ZNF530: variants seen among roughly 807,000 people sequenced by gnomAD.
ZNF530 encodes zinc finger protein 530.
ZNF530 carries 5 observed loss-of-function variants against 2.8 expected under a neutral mutation model. The ratio of observed to expected loss-of-function variants is 1.80; its 90% confidence interval spans 0.94 to 3.78. The LOEUF (loss-of-function observed/expected upper bound fraction) is 3.78, where lower values mean the gene tolerates loss of function less well. ZNF530 is among the 30% of genes most tolerant of loss of function. The pLI is 0.00. For missense variants in ZNF530, 619 were observed against 673.3 expected (o/e 0.92, Z 0.89); for synonymous variants, 229 against 235.0 (o/e 0.97, Z 0.23).
Position 57,608,577 on chromosome 19 carries a change from G to A in ZNF530, c.*1252G>A, listed in dbSNP as rs985235502. The A allele has an allele frequency of 1.3e-5, 2 of 152,108 alleles. No individual in the cohort carries two copies. The allele number at this position is 152,108 out of a possible 1,614,324, so 9.4% of individuals were successfully genotyped here. A position where few individuals can be genotyped will look rare whatever the true frequency, so the allele number is the denominator to read the frequency against. ...CTGGAGACAACACAAAGTTTTTCTT[G>A]TTGAGTGAGGATATCACATAATGCC... is the stretch of plus-strand genomic sequence containing the variant. On this transcript the variant is annotated 3_prime_UTR_variant, in exon 4 of 4. Coordinates refer to ENST00000597700, the MANE Select transcript of ZNF530 (RefSeq NM_001321981.2).
downstream of ZNF530, among the ~76,000 whole-genome samples, chr19:57,611,129 G>A (rs903911175): frequency 2.0e-5 from 3 of 152,074 alleles, no homozygotes; most frequent in Admixed American, 6.5e-5. Flanking sequence ...TCATCCCAGC[G>A]TTACTGCCAG....
At chr19:57,602,126 G>C (rs1002320593) in intron 2 of ZNF530, among the ~76,000 whole-genome samples, 2 of 152,172 alleles carry the variant, frequency 1.3e-5, no homozygotes, top group African/African-American at 4.8e-5. Flanking sequence ...CTGCAGGCTA[G>C]GAAATTCTAC....
At chr19:57,605,062 A>G (rs111373027) in intron 3 of ZNF530, 3 of 153,466 alleles carry the variant, frequency 2.0e-5, no homozygotes, top group African/African-American at 7.2e-5. Flanking sequence ...GCAAGACACT[A>G]GGGCTGTTTC....
rs373402858 is a variant in ZNF530 at position 57,606,134 on chromosome 19, A to G, written c.510A>G (p.Arg170=). ...CACACAGCAGGATTAGACACTTGAGAGTTCCCACTGGACGAAAGCCTCTCA... is the reference window on the plus strand; with the variant it reads ...CACACAGCAGGATTAGACACTTGAGGGTTCCCACTGGACGAAAGCCTCTCA... ...ERPHSRIRHL[R]VPTGRKPLKY... Residue 170 remains arginine (R), a synonymous_variant, in exon 4 of 4, where the codon AGA becomes AGG. Transcript: ENST00000597700. 1.2e-5 allele frequency: 20 copies of G among 1,614,142 alleles called. No homozygotes were observed. The African/African-American group carries it at 2.0e-4, about 16-fold the overall frequency.
Position 57,606,964 on chromosome 19 carries a change from G to A in ZNF530, c.1340G>A (p.Arg447Gln), listed in dbSNP as rs543043621. The change falls in exon 4 of 4, where the codon CGA (arginine) becomes CAA (glutamine). Residue 447 changes from arginine (R) to glutamine (Q), a missense_variant. Arg to Gln is a conservative substitution (Grantham distance 43). Coordinates refer to ENST00000597700, the MANE Select transcript of ZNF530 (RefSeq NM_001321981.2). ...TTTAGTTGCAAAACTGACCTCATTCGACACCAGACAGTTCACACTGGAGAA... is the reference window on the plus strand; with the variant it reads ...TTTAGTTGCAAAACTGACCTCATTCAACACCAGACAGTTCACACTGGAGAA... ...KSFSCKTDLI[R>Q]HQTVHTGERP... 172 of 1,612,752 alleles carry A rather than the reference G, an allele frequency of 1.1e-4. 4 individuals carry two copies. In the South Asian group the frequency reaches 1.5e-3, roughly 14 times the overall value.
chr19:57,606,061 C>G lies in ZNF530; in HGVS notation c.437C>G (p.Ala146Gly), dbSNP rs771290670. ...TFGEVGRDFS[A>G]TSGLLQHQVT... ...GGGGAAGTCGGGAGGGACTTTTCAG[C>G]CACCTCAGGACTTCTCCAGCATCAG... Residue 146 changes from alanine (A) to glycine (G), a missense_variant, in exon 4 of 4, where the codon GCC becomes GGC. Coordinates refer to ENST00000597700, the MANE Select transcript of ZNF530 (RefSeq NM_001321981.2). 6.2e-7 allele frequency: 1 copy of G among 1,614,200 alleles called. No individual in the cohort carries two copies. Among genetic ancestry groups the G allele is most frequent in the East Asian group, 2.2e-5 (1 of 44,882 alleles).
rs35296343 is a variant in ZNF530 at position 57,609,331 on chromosome 19, CA to C, written c.*2017del. On this transcript the variant is annotated 3_prime_UTR_variant, in exon 4 of 4. Transcript: ENST00000597700. Reference sequence around the variant, plus strand: ...GGGTGATGGAGTGAGACTCTGTTTCCAAAAAAAAAAAGGCTGGGCGTGGTGG... The same window carrying C: ...GGGTGATGGAGTGAGACTCTGTTTCCAAAAAAAAAAGGCTGGGCGTGGTGG... Among the ~76,000 whole-genome samples, 66 of 139,206 alleles carry C rather than the reference CA, an allele frequency of 4.7e-4. No individual in the cohort carries two copies. The highest frequency in any genetic ancestry group is 6.9e-4 in the South Asian group (3 of 4,326). The allele number at this position is 139,206 out of a possible 152,430, so 91.3% of individuals were successfully genotyped here. A position where few individuals can be genotyped will look rare whatever the true frequency, so the allele number is the denominator to read the frequency against.
rs140334781 is a variant in ZNF530 at position 57,606,439 on chromosome 19, G to T, written c.815G>T (p.Arg272Leu). Residue 272 changes from arginine (R) to leucine (L), a missense_variant, in exon 4 of 4, where the codon CGC becomes CTC. Coordinates refer to ENST00000597700, the MANE Select transcript of ZNF530 (RefSeq NM_001321981.2). ...YDCSECGKSFRQVSVLIQHQR... is the reference protein window; with the variant it reads ...YDCSECGKSFLQVSVLIQHQR... ...TGCAGTGAATGTGGCAAATCCTTTC[G>T]CCAGGTATCTGTCCTCATTCAACAT... 1.3e-5 allele frequency: 21 copies of T among 1,613,658 alleles called. No homozygotes were observed. The highest frequency in any genetic ancestry group is 5.0e-5 in the Admixed American group (3 of 59,974).
At position 57,607,548 on chromosome 19, in the gene ZNF530, T is replaced by C; in HGVS notation, c.*223T>C. The C allele has an allele frequency of 1.9e-6, 1 of 519,088 alleles. No individual in the cohort carries two copies. Among genetic ancestry groups the C allele is most frequent in the Non-Finnish European group, 3.4e-6 (1 of 295,028 alleles). 32.2% of individuals were successfully genotyped at this position (519,088 alleles called of 1,614,324 possible). On this transcript the variant is annotated 3_prime_UTR_variant, in exon 4 of 4. Coordinates refer to ENST00000597700, the MANE Select transcript of ZNF530 (RefSeq NM_001321981.2). ...TTAATAGAAACAAGGTTTCACCATG[T>C]TGGTCAGGCTGGTGTTGAACTCCTG... is the stretch of plus-strand genomic sequence containing the variant.
chr19:57,600,276 G>C, intron 1 of ZNF530, 142 bp downstream of exon 1: 1 of 1,093,602 alleles, frequency 9.1e-7, no homozygotes, highest in Non-Finnish European at 1.2e-6. Flanking sequence ...GTGTGGCAGG[G>C]AGCGGGAGAG....
intron 2 of ZNF530, among the ~76,000 whole-genome samples, chr19:57,603,587 T>TGTTACTGTTTAGTGCA (rs548146716): frequency 6.6e-6 from 1 of 152,238 alleles, no homozygotes; most frequent in Non-Finnish European, 1.5e-5. Context: ...TTACTGTTAC[T>TGTTACTGTTTAGTGCA]GTTACTGTTT....
chr19:57,602,235 G>A (rs1236634499), intron 2 of ZNF530, among the ~76,000 whole-genome samples: 3 of 152,154 alleles, frequency 2.0e-5, no homozygotes, highest in Non-Finnish European at 4.4e-5. Flanking sequence ...TCCTGGGAGG[G>A]AGTATGTAAA....
Position 57,606,375 on chromosome 19 carries a change from C to G in ZNF530, c.751C>G (p.Gln251Glu). The G allele has an allele frequency of 6.2e-7, 1 of 1,614,222 alleles. No individual in the cohort carries two copies. The change falls in exon 4 of 4, where the codon CAA becomes GAA. Residue 251 changes from glutamine to glutamate, a missense_variant. By Grantham distance (29) the Gln-to-Glu change is conservative. Transcript: ENST00000597700. ...ATTTAGTCGCAAAACTCACCTAACT[C>G]AACACCAAAGAGTTCACACTGGAGA... ...KSFSRKTHLT[Q>E]HQRVHTGERP...
rs1220907439 is a variant in ZNF530 at position 57,607,114 on chromosome 19, A to G, written c.1490A>G (p.Gln497Arg). ...GATGAATGTGGGAAATCCTATAGCCAAAGCTCTGCCCTCCTTCAGCATAGG... is the reference window on the plus strand; with the variant it reads ...GATGAATGTGGGAAATCCTATAGCCGAAGCTCTGCCCTCCTTCAGCATAGG... ...ECDECGKSYSQSSALLQHRRV... is the reference protein window; with the variant it reads ...ECDECGKSYSRSSALLQHRRV... The change falls in exon 4 of 4, where the codon CAA becomes CGA. Residue 497 changes from glutamine (Q) to arginine (R), a missense_variant. Transcript: ENST00000597700. 1 of 1,613,644 alleles carries G rather than the reference A, an allele frequency of 6.2e-7. No homozygotes were observed. The highest frequency in any genetic ancestry group is 8.5e-7 in the Non-Finnish European group (1 of 1,179,930).
downstream of ZNF530, among the ~76,000 whole-genome samples, chr19:57,611,905 G>A (rs1599941449): frequency 6.6e-6 from 1 of 152,158 alleles, no homozygotes; most frequent in East Asian, 1.9e-4. Flanking sequence ...ACCAGGGTGA[G>A]GGTATGAGGC....
In ZNF530 at chr19:57,608,979, A is replaced by G. The variant is rs1387670453; in HGVS notation, c.*1654A>G. Reference sequence around the variant, plus strand: ...AGAGGTTGCAGTGAGCTCAGATCACACCACTGCACTCCAGCCTGGGTGACA... The same window carrying G: ...AGAGGTTGCAGTGAGCTCAGATCACGCCACTGCACTCCAGCCTGGGTGACA... On this transcript the variant is annotated 3_prime_UTR_variant, in exon 4 of 4. Transcript: ENST00000597700. 1.3e-5 allele frequency: 2 copies of G among 150,754 alleles called. No homozygotes were observed. Among genetic ancestry groups the G allele is most frequent in the African/African-American group, 2.5e-5 (1 of 40,770 alleles). 9.3% of individuals were successfully genotyped at this position (150,754 alleles called of 1,614,324 possible).
intron 1 of ZNF530, 42 bp downstream of exon 1, chr19:57,600,176 C>G (rs753502281): frequency 2.6e-6 from 4 of 1,548,514 alleles, no homozygotes; most frequent in Non-Finnish European, 3.5e-6. Flanking sequence ...CCTCCCCACC[C>G]GAAACTGAGG....
At chr19:57,600,806 T>C (rs1345570394) in intron 2 of ZNF530, 27 bp downstream of exon 2, 4 of 152,298 alleles carry the variant, frequency 2.6e-5, no homozygotes, top group South Asian at 4.1e-4. Flanking sequence ...CAGAAGCTCA[T>C]TGATTCCAGC....
In ZNF530 at chr19:57,606,384, A is replaced by G; in HGVS notation, c.760A>G (p.Arg254Gly). ...CAAAACTCACCTAACTCAACACCAA[A>G]GAGTTCACACTGGAGAAAGGCCTTA... is the stretch of plus-strand genomic sequence containing the variant. ...SRKTHLTQHQRVHTGERPYDC... is the reference protein window; with the variant it reads ...SRKTHLTQHQGVHTGERPYDC... Residue 254 changes from arginine (R) to glycine (G), a missense_variant, in exon 4 of 4, where the codon AGA becomes GGA. Arg to Gly is a moderately radical substitution (Grantham distance 125). Coordinates refer to ENST00000597700, the MANE Select transcript of ZNF530 (RefSeq NM_001321981.2). 1 of 1,612,406 alleles carries G rather than the reference A, an allele frequency of 6.2e-7. No homozygotes were observed. Among genetic ancestry groups the G allele is most frequent in the South Asian group, 1.1e-5 (1 of 91,036 alleles).
Sources: allele counts gnomAD v4.1 joint callset (sites outside exome capture counted in the v4.1 genomes callset), GRCh38; gene constraint gnomAD v4.1.1; transcripts MANE v1.5; gene names NCBI Gene and HGNC (gene_info 2026-07-23, HGNC 2026-07-21).